GMDS: variants seen among roughly 807,000 people sequenced by gnomAD.
GMDS encodes the protein GDP-mannose 4,6 dehydratase.
A neutral mutation model predicts 49.9 loss-of-function variants in GMDS; 20 were observed. The observed-to-expected ratio is 0.40, with a 90% CI of 0.28 to 0.58. The LOEUF is 0.58. Ranked by LOEUF, GMDS falls within the 20% of genes least tolerant of loss-of-function variation. The probability of loss-of-function intolerance (pLI) is 0.42; values close to 1 mark genes in which losing one functional copy is unlikely to be tolerated. For synonymous variants in GMDS, 177 were observed against 178.6 expected (o/e 0.99, Z 0.07); for missense variants, 362 against 481.4 (o/e 0.75, Z 2.32).
intron 4 of GMDS, among the ~76,000 whole-genome samples, chr6:2,092,253 C>T (rs1245550966): frequency 2.0e-5 from 3 of 152,180 alleles, no homozygotes; most frequent in Non-Finnish European, 4.4e-5. Flanking sequence ...TGCACCATCA[C>T]ACAATCTTGC....
chr6:1,636,926 C>T (rs1019643778), intron 9 of GMDS, among the ~76,000 whole-genome samples: 1 of 152,220 alleles, frequency 6.6e-6, no homozygotes, highest in Non-Finnish European at 1.5e-5. Flanking sequence ...CACGGGGGAT[C>T]GCTGGGACCG....
intron 1 of GMDS, among the ~76,000 whole-genome samples, chr6:2,133,297 T>C (rs555902599): frequency 1.3e-5 from 2 of 152,240 alleles, no homozygotes; most frequent in Non-Finnish European, 2.9e-5. Context: ...CTTTTTATAA[T>C]TTGTGTCCTG....
chr6:2,226,238 G>T (rs145276862), intron 1 of GMDS, among the ~76,000 whole-genome samples: 1 of 152,130 alleles, frequency 6.6e-6, no homozygotes, highest in East Asian at 1.9e-4. Flanking sequence ...CTGATTCCTG[G>T]GTAGAAATAA....
intron 1 of GMDS, among the ~76,000 whole-genome samples, chr6:2,222,608 G>A (rs1780643370): frequency 6.6e-6 from 1 of 152,046 alleles, no homozygotes; most frequent in Non-Finnish European, 1.5e-5. Context: ...AGCCAATTAG[G>A]AACAAAAAAA....
chr6:1,662,278 G>A (rs538607852), intron 9 of GMDS, among the ~76,000 whole-genome samples: 3 of 152,254 alleles, frequency 2.0e-5, no homozygotes, highest in Admixed American at 6.5e-5. Context: ...GATCAGAATC[G>A]AGTCCATGTG....
Position 1,859,937 on chromosome 6 carries a change from A to C in GMDS, c.771+70166T>G, listed in dbSNP as rs937130068. Among the ~76,000 whole-genome samples the C allele has an allele frequency of 4.6e-5, 7 of 152,254 alleles. No homozygotes were observed. The East Asian group carries it at 1.3e-3, about 29-fold the overall frequency. On this transcript the variant is annotated intron_variant, in intron 7 of 10. Coordinates refer to ENST00000380815, the MANE Select transcript of GMDS (RefSeq NM_001500.4). ...ATAGGTAAAAATTTTAAAAAATTAG[A>C]AAATCTTACTTTAATATGATTGGAG...
intron 7 of GMDS, among the ~76,000 whole-genome samples, chr6:1,897,760 C>A (rs1760275992): frequency 6.6e-6 from 1 of 152,204 alleles, no homozygotes; most frequent in Admixed American, 6.5e-5. Flanking sequence ...GAACTTATTT[C>A]TTCTAGCTAC....
At chr6:1,962,565 T>C (rs895810157) in intron 4 of GMDS, among the ~76,000 whole-genome samples, 1 of 152,204 alleles carries the variant, frequency 6.6e-6, no homozygotes, top group African/African-American at 2.4e-5. Flanking sequence ...CTTGCTGTGG[T>C]CTTTTTTGTT....
intron 9 of GMDS, among the ~76,000 whole-genome samples, chr6:1,719,721 G>A (rs935353917): frequency 1.3e-5 from 2 of 152,078 alleles, no homozygotes; most frequent in Non-Finnish European, 2.9e-5. Flanking sequence ...CACCAGGGAC[G>A]AATGGATCTC....
At position 1,634,544 on chromosome 6, in the gene GMDS, T is replaced by C. The variant is rs183705697; in HGVS notation, c.988-10004A>G. On this transcript the variant is annotated intron_variant, in intron 9 of 10. Coordinates refer to ENST00000380815, the MANE Select transcript of GMDS (RefSeq NM_001500.4). ...CTCTGGGTGTGTCTCTCTGTGTCCATGTGCACTATGTAAAAGTCCACTCGT... is the reference window on the plus strand; with the variant it reads ...CTCTGGGTGTGTCTCTCTGTGTCCACGTGCACTATGTAAAAGTCCACTCGT... Among the ~76,000 whole-genome samples, 141 of 152,360 alleles carry C rather than the reference T, an allele frequency of 9.3e-4. 1 individual carries two copies. Among genetic ancestry groups the C allele is most frequent in the African/African-American group, 3.2e-3 (135 of 41,584 alleles).
chr6:2,035,793 T>A (rs746716939), intron 4 of GMDS, among the ~76,000 whole-genome samples: 1 of 152,058 alleles, frequency 6.6e-6, no homozygotes, highest in Admixed American at 6.6e-5. Context: ...TTCAAGTGAT[T>A]CTCCCACCTC....
At chr6:2,024,874 A>AT (rs886631934) in intron 4 of GMDS, among the ~76,000 whole-genome samples, 8 of 147,446 alleles carry the variant, frequency 5.4e-5, no homozygotes, top group Non-Finnish European at 1.2e-4. Context: ...AAAAAGGACA[A>AT]TTAATTGAAA....
chr6:2,215,399 A>C (rs1241391927), intron 1 of GMDS, among the ~76,000 whole-genome samples: 2 of 152,176 alleles, frequency 1.3e-5, no homozygotes, highest in African/African-American at 2.4e-5. Flanking sequence ...GCAAAAGGAA[A>C]AATGAGAGCC....
At chr6:1,759,490 G>A (rs529683071) in intron 7 of GMDS, among the ~76,000 whole-genome samples, 47 of 152,202 alleles carry the variant, frequency 3.1e-4, no homozygotes, top group African/African-American at 1.1e-3. Flanking sequence ...TTTTCTTGTT[G>A]AAACTCAATT....
At chr6:2,050,967 G>A (rs1770357294) in intron 4 of GMDS, among the ~76,000 whole-genome samples, 1 of 152,078 alleles carries the variant, frequency 6.6e-6, no homozygotes. Context: ...AGGGGGTGTG[G>A]GGCTGGGGGA....
intron 4 of GMDS, among the ~76,000 whole-genome samples, chr6:2,017,156 C>T (rs1445704258): frequency 1.3e-5 from 2 of 152,000 alleles, no homozygotes; most frequent in African/African-American, 4.8e-5. Context: ...TTCCAGGTAG[C>T]ACTGAAAGGT....
At chr6:2,118,520 G>T (rs908701129) in intron 2 of GMDS, among the ~76,000 whole-genome samples, 62 of 152,254 alleles carry the variant, frequency 4.1e-4, no homozygotes, top group Middle Eastern at 6.8e-3. Context: ...TCCTTGGTAT[G>T]ACTCAAATAT....
chr6:2,223,102 T>A (rs1486121214), intron 1 of GMDS, among the ~76,000 whole-genome samples: 2 of 141,944 alleles, frequency 1.4e-5, no homozygotes, highest in African/African-American at 5.9e-5. Context: ...TTCCTTCAAA[T>A]CAATCAATCA....
chr6:1,821,072 T>G (rs974028583), intron 7 of GMDS, among the ~76,000 whole-genome samples: 1 of 152,190 alleles, frequency 6.6e-6, no homozygotes, highest in African/African-American at 2.4e-5. Flanking sequence ...GGACTCTATA[T>G]ATGGATGCAT....
Sources: gnomAD v4.1 joint callset for allele counts (sites outside exome capture counted in the v4.1 genomes callset) on GRCh38, gnomAD v4.1.1 for gene constraint, MANE v1.5 for transcripts, NCBI Gene and HGNC (gene_info 2026-07-23, HGNC 2026-07-21) for gene names.